CNTN4: variants seen among roughly 807,000 people sequenced by gnomAD.
CNTN4 encodes contactin 4.
CNTN4 carries 77 observed loss-of-function variants against 122.5 expected under a neutral mutation model. That is an observed-to-expected ratio of 0.63 (90% CI 0.52 to 0.76). CNTN4 has a LOEUF of 0.76. Ranked by LOEUF, CNTN4 falls within the 30% of genes least tolerant of loss-of-function variation. The pLI is 0.00. For missense variants in CNTN4, 1,256 were observed against 1,259.1 expected, an observed-to-expected ratio of 1.00 and a Z score of 0.04; for synonymous variants, 512 against 447.0, an observed-to-expected ratio of 1.15 and a Z score of -1.83.
At chr3:2,231,484 G>C (rs1254014851) in intron 2 of CNTN4, among the ~76,000 whole-genome samples, 2 of 152,120 alleles carry the variant, frequency 1.3e-5, no homozygotes, top group Non-Finnish European at 2.9e-5. Flanking sequence ...TCAATCATCT[G>C]ATAAAGAGCT....
At chr3:2,367,244 T>C (rs1019390726) in intron 3 of CNTN4, among the ~76,000 whole-genome samples, 3 of 152,216 alleles carry the variant, frequency 2.0e-5, no homozygotes, top group Non-Finnish European at 4.4e-5. Flanking sequence ...CTATTTATTA[T>C]TCTTGAGAAA....
At chr3:3,056,077 C>T in intron 24 of CNTN4, 43 bp from the exon 25 acceptor site, 2 of 1,503,938 alleles carry the variant, frequency 1.3e-6, no homozygotes, top group South Asian at 2.3e-5. Context: ...CCCTTTGAAG[C>T]CGGGATGGGG....
chr3:2,466,988 G>A (rs77931738), intron 3 of CNTN4, among the ~76,000 whole-genome samples: 1 of 38,042 alleles, frequency 2.6e-5, no homozygotes, highest in Non-Finnish European at 5.4e-5. Context: ...TTTTTTTTTT[G>A]CATTTCCAGC....
intron 3 of CNTN4, among the ~76,000 whole-genome samples, chr3:2,499,246 T>C (rs1489751283): frequency 6.6e-6 from 1 of 152,220 alleles, no homozygotes; most frequent in East Asian, 1.9e-4. Flanking sequence ...TTGATATTCA[T>C]TTGTCTCTGG....
chr3:2,421,652 G>A (rs1318764412), intron 3 of CNTN4, among the ~76,000 whole-genome samples: 1 of 152,004 alleles, frequency 6.6e-6, no homozygotes, highest in South Asian at 2.1e-4. Context: ...TCTTCACTGG[G>A]CATTCTATTA....
rs145790899 is a variant in CNTN4, at chr3:3,039,845, C to G, written c.2164-192C>G. On this transcript the variant is annotated intron_variant, in intron 19 of 24. Transcript: ENST00000418658. ...CTGCAGATCCTCATTACGTTTTCAA[C>G]CCTGTCCAGTACATCATAACTGTTT... 7.1e-4 allele frequency: 426 copies of G among 602,224 alleles called. 5 individuals are homozygous for G. The East Asian group carries it at 0.011, about 15-fold the overall frequency. 37.3% of individuals were successfully genotyped at this position (602,224 alleles called of 1,614,324 possible).
chr3:3,004,310 G>C (rs1167713859), intron 14 of CNTN4, among the ~76,000 whole-genome samples: 1 of 152,100 alleles, frequency 6.6e-6, no homozygotes, highest in African/African-American at 2.4e-5. Context: ...TCCTGATCCA[G>C]CCTCTACTCT....
chr3:2,764,180 G>C (rs1374599446), intron 6 of CNTN4, among the ~76,000 whole-genome samples: 1 of 152,124 alleles, frequency 6.6e-6, no homozygotes, highest in Non-Finnish European at 1.5e-5. Context: ...ACTAGTTCAT[G>C]TTCTAGTATG....
chr3:2,530,024 G>A (rs1011412742), intron 3 of CNTN4, among the ~76,000 whole-genome samples: 51 of 152,210 alleles, frequency 3.4e-4, no homozygotes, highest in African/African-American at 1.2e-3. Flanking sequence ...CTCATGTGAT[G>A]CTTGGGCTAT....
intron 3 of CNTN4, among the ~76,000 whole-genome samples, chr3:2,396,468 G>A (rs1380235775): frequency 6.6e-6 from 1 of 151,980 alleles, no homozygotes; most frequent in African/African-American, 2.4e-5. Flanking sequence ...CCTCACATTG[G>A]CTTTACTACC....
chr3:2,571,148 T>A (rs1274826531), intron 3 of CNTN4, among the ~76,000 whole-genome samples: 1 of 152,172 alleles, frequency 6.6e-6, no homozygotes, highest in Admixed American at 6.5e-5. Flanking sequence ...TGCCTTCAGG[T>A]TGGTTCATGC....
intron 14 of CNTN4, among the ~76,000 whole-genome samples, chr3:3,019,366 G>A (rs1698060597): frequency 6.6e-6 from 1 of 152,042 alleles, no homozygotes; most frequent in Non-Finnish European, 1.5e-5. Flanking sequence ...GTGCATTGGT[G>A]CGACACTGCA....
At chr3:2,966,828 A>G (rs1222234906) in intron 13 of CNTN4, among the ~76,000 whole-genome samples, 1 of 152,214 alleles carries the variant, frequency 6.6e-6, no homozygotes, top group Non-Finnish European at 1.5e-5. Context: ...TCTTCTCTAC[A>G]TAGACAGATT....
Position 2,204,747 on chromosome 3 carries a change from C to T in CNTN4, c.-145+104108C>T, listed in dbSNP as rs912508353. ...TCACTATTCTCAAAGGATGCAAGGC[C>T]CCCCCATGGGATAAAGTCAGCTTTG... On this transcript the variant is annotated intron_variant, in intron 2 of 24. Coordinates refer to ENST00000418658, the MANE Select transcript of CNTN4 (RefSeq NM_175607.3). Among the ~76,000 whole-genome samples, 21 of 151,920 alleles carry T rather than the reference C, an allele frequency of 1.4e-4. No individual in the cohort carries two copies. In the East Asian group the frequency reaches 1.5e-3, roughly 11 times the overall value.
intron 3 of CNTN4, among the ~76,000 whole-genome samples, chr3:2,384,966 T>C (rs1040262229): frequency 2.0e-5 from 3 of 152,146 alleles, no homozygotes; most frequent in African/African-American, 7.2e-5. Context: ...ACGTTCAAAC[T>C]CATTTGGCTT....
intron 6 of CNTN4, among the ~76,000 whole-genome samples, chr3:2,768,963 C>G (rs764322930): frequency 1.1e-4 from 16 of 152,142 alleles, no homozygotes; most frequent in Non-Finnish European, 2.2e-4. Flanking sequence ...CTTTTGACTT[C>G]AAGTCTTGAA....
At chr3:2,722,627 C>T (rs762089022) in intron 4 of CNTN4, among the ~76,000 whole-genome samples, 2 of 152,186 alleles carry the variant, frequency 1.3e-5, no homozygotes, top group African/African-American at 4.8e-5. Context: ...TTTTTCCTCT[C>T]TTTTGATAAG....
chr3:2,349,208 C>G (rs2044514750), intron 3 of CNTN4, among the ~76,000 whole-genome samples: 1 of 151,886 alleles, frequency 6.6e-6, no homozygotes, highest in African/African-American at 2.4e-5. Context: ...TTAAGGGTCT[C>G]AAGAGTTAAT....
At chr3:3,002,989 C>T (rs775130682) in intron 14 of CNTN4, among the ~76,000 whole-genome samples, 65 of 152,292 alleles carry the variant, frequency 4.3e-4, no homozygotes, top group Non-Finnish European at 7.1e-4. Flanking sequence ...ACATTGGACT[C>T]GGTTTGCCTC....
Sources: allele counts gnomAD v4.1 joint callset (sites outside exome capture counted in the v4.1 genomes callset), GRCh38; gene constraint gnomAD v4.1.1; transcripts MANE v1.5; gene names NCBI Gene and HGNC (gene_info 2026-07-23, HGNC 2026-07-21).